The following JMJD1C variants were observed in gnomAD, a reference collection of about 807,000 sequenced individuals.
JMJD1C encodes the protein jumonji domain-containing protein 1C.
In JMJD1C, 31 loss-of-function variants were observed where a neutral mutation model predicts 245.3. That is an observed-to-expected ratio of 0.13 (90% CI 0.09 to 0.17). The LOEUF is 0.17. Ranked by LOEUF, JMJD1C falls within the 10% of genes least tolerant of loss-of-function variation. The probability of loss-of-function intolerance (pLI) is 1.00; values close to 1 mark genes in which losing one functional copy is unlikely to be tolerated. For missense variants in JMJD1C, 2,691 were observed against 3,000.2 expected, an observed-to-expected ratio of 0.90 and a Z score of 2.41; for synonymous variants, 1,057 against 1,017.4, an observed-to-expected ratio of 1.04 and a Z score of -0.74.
At chr10:63,327,162 G>C (rs1941614534) in intron 2 of JMJD1C, among the ~76,000 whole-genome samples, 1 of 152,094 alleles carries the variant, frequency 6.6e-6, no homozygotes, top group Admixed American at 6.6e-5. Context: ...ACTCCAGCGT[G>C]AGCCACAGAC....
chr10:63,467,236 C>T (rs1351131800), upstream of JMJD1C, among the ~76,000 whole-genome samples: 2 of 151,732 alleles, frequency 1.3e-5, no homozygotes, highest in African/African-American at 4.9e-5. Context: ...AGGCTGGGCA[C>T]GGTGCCTCAC....
chr10:63,401,979 A>G (rs1948884698), intron 1 of JMJD1C, among the ~76,000 whole-genome samples: 1 of 152,078 alleles, frequency 6.6e-6, no homozygotes, highest in African/African-American at 2.4e-5. Context: ...TACTAAAAAT[A>G]CAAAATTAGC....
intron 1 of JMJD1C, among the ~76,000 whole-genome samples, chr10:63,424,847 T>A (rs1950350782): frequency 6.6e-6 from 1 of 152,172 alleles, no homozygotes; most frequent in African/African-American, 2.4e-5. Context: ...TGGGGTATTA[T>A]AAGACCACAT....
intron 1 of JMJD1C, among the ~76,000 whole-genome samples, chr10:63,459,635 T>C (rs1337299650): frequency 6.6e-6 from 1 of 152,172 alleles, no homozygotes; most frequent in East Asian, 1.9e-4. Context: ...TTGAAAATCA[T>C]CAGAGTTATA....
intron 3 of JMJD1C, among the ~76,000 whole-genome samples, chr10:63,232,990 C>T (rs1850203644): frequency 6.6e-6 from 1 of 152,132 alleles, no homozygotes; most frequent in Non-Finnish European, 1.5e-5. Context: ...CTGCAAACTT[C>T]ATTTAAAGTG....
rs183122459 is a variant in JMJD1C, at chr10:63,168,717, C to T, written c.7402-151G>A. Reference sequence around the variant, plus strand: ...AAATGGATTTTAAAGCAGAAGACCACATTTTATGAGAAAGTTATGTCACTG... The same window carrying T: ...AAATGGATTTTAAAGCAGAAGACCATATTTTATGAGAAAGTTATGTCACTG... On this transcript the variant is annotated intron_variant, in intron 24 of 25. Coordinates refer to ENST00000399262, the MANE Select transcript of JMJD1C (RefSeq NM_032776.3). 2.0e-4 allele frequency: 115 copies of T among 571,026 alleles called. No homozygotes were observed. In the African/African-American group the frequency reaches 2.1e-3, roughly 10 times the overall value. The allele number at this position is 571,026 out of a possible 1,614,324, so 35.4% of individuals were successfully genotyped here. A position where few individuals can be genotyped will look rare whatever the true frequency, so the allele number is the denominator to read the frequency against.
At chr10:63,179,751 C>A (rs1000889743) in intron 22 of JMJD1C, among the ~76,000 whole-genome samples, 4 of 145,190 alleles carry the variant, frequency 2.8e-5, no homozygotes, top group Admixed American at 7.0e-5. Context: ...CCAGCCTGGG[C>A]AACAGAGCAA....
At chr10:63,438,687 C>A (rs1053307924) in intron 1 of JMJD1C, among the ~76,000 whole-genome samples, 2 of 152,132 alleles carry the variant, frequency 1.3e-5, no homozygotes, top group African/African-American at 4.8e-5. Context: ...TCCTCAAATA[C>A]GCTAGGCTCA....
intron 18 of JMJD1C, among the ~76,000 whole-genome samples, chr10:63,188,235 C>T (rs978959902): frequency 2.0e-5 from 3 of 152,132 alleles, no homozygotes; most frequent in African/African-American, 7.2e-5. Context: ...AAAGCTCACA[C>T]AAATTAAATA....
At chr10:63,387,233 A>G (rs924874278) in intron 1 of JMJD1C, among the ~76,000 whole-genome samples, 2 of 152,204 alleles carry the variant, frequency 1.3e-5, no homozygotes, top group South Asian at 4.1e-4. Context: ...TGATGCATAG[A>G]TATCAATGTA....
chr10:63,430,674 C>T (rs940704236), intron 1 of JMJD1C, among the ~76,000 whole-genome samples: 1 of 152,120 alleles, frequency 6.6e-6, no homozygotes, highest in Non-Finnish European at 1.5e-5. Context: ...CATGGTTGCA[C>T]AACTCTGTGG....
chr10:63,171,373 A>T (rs1240543757), intron 24 of JMJD1C, among the ~76,000 whole-genome samples: 1 of 152,188 alleles, frequency 6.6e-6, no homozygotes, highest in Non-Finnish European at 1.5e-5. Context: ...TAGCATATAA[A>T]GAGGGCTGTG....
intron 16 of JMJD1C, 32 bp from the exon 17 acceptor site, chr10:63,191,140 G>T: frequency 6.4e-7 from 1 of 1,572,782 alleles, no homozygotes; most frequent in Non-Finnish European, 8.7e-7. Flanking sequence ...ATTTTGTTTT[G>T]TTTTGTTTTG....
intron 18 of JMJD1C, among the ~76,000 whole-genome samples, chr10:63,187,998 C>CA (rs1264000784): frequency 2.6e-5 from 4 of 152,164 alleles, no homozygotes; most frequent in African/African-American, 4.8e-5. Context: ...CACACCTACT[C>CA]AGAGAGTTCC....
At chr10:63,427,404 G>A (rs368217695) in intron 1 of JMJD1C, 22 of 1,097,096 alleles carry the variant, frequency 2.0e-5, no homozygotes, top group African/African-American at 1.7e-4. Context: ...ATGTCTTGAC[G>A]GAAGACACAG....
chr10:63,246,407 C>T (rs1358495864), intron 3 of JMJD1C, among the ~76,000 whole-genome samples: 1 of 151,902 alleles, frequency 6.6e-6, no homozygotes, highest in African/African-American at 2.4e-5. Flanking sequence ...GGGAGGGCGA[C>T]AACATTTTCA....
chr10:63,313,706 T>A (rs921301377), intron 2 of JMJD1C, among the ~76,000 whole-genome samples: 1 of 152,242 alleles, frequency 6.6e-6, no homozygotes, highest in African/African-American at 2.4e-5. Context: ...GAGCATTTTT[T>A]AATAAGTTTG....
chr10:63,441,086 G>C (rs376690374), intron 1 of JMJD1C, among the ~76,000 whole-genome samples: 1 of 152,082 alleles, frequency 6.6e-6, no homozygotes. Context: ...AAAGGCAAAG[G>C]GATTGTAGGA....
At chr10:63,204,204 G>T in intron 10 of JMJD1C, 1 of 985,146 alleles carries the variant, frequency 1.0e-6, no homozygotes, top group Non-Finnish European at 1.2e-6. Flanking sequence ...ATTAATAGAT[G>T]ACATCTAATA....
Sources: gnomAD v4.1 joint callset for allele counts (sites outside exome capture counted in the v4.1 genomes callset) on GRCh38, gnomAD v4.1.1 for gene constraint, MANE v1.5 for transcripts, NCBI Gene and HGNC (gene_info 2026-07-23, HGNC 2026-07-21) for gene names.